The following COL27A1 variants were observed in gnomAD, a reference collection of about 807,000 sequenced individuals.
COL27A1 encodes the protein collagen alpha-1(XXVII) chain.
COL27A1 carries 106 observed loss-of-function variants against 251.3 expected under a neutral mutation model. That is an observed-to-expected ratio of 0.42 (90% CI 0.36 to 0.50). The LOEUF (loss-of-function observed/expected upper bound fraction) is 0.50, where lower values mean the gene tolerates loss of function less well. Ranked by LOEUF, COL27A1 falls within the 20% of genes least tolerant of loss-of-function variation. The probability of loss-of-function intolerance (pLI) is 0.00; values close to 1 mark genes in which losing one functional copy is unlikely to be tolerated. For synonymous variants in COL27A1, 1,000 were observed against 986.3 expected (o/e 1.01, Z -0.26); for missense variants, 2,325 against 2,522.8 (o/e 0.92, Z 1.68).
chr9:114,295,158 T>C (rs1415796518), intron 49 of COL27A1, among the ~76,000 whole-genome samples: 1 of 152,100 alleles, frequency 6.6e-6, no homozygotes, highest in Non-Finnish European at 1.5e-5. Context: ...AACAAACAAT[T>C]AGAAATGGAA....
At chr9:114,157,664 A>G (rs1848211326) in intron 1 of COL27A1, among the ~76,000 whole-genome samples, 1 of 152,224 alleles carries the variant, frequency 6.6e-6, no homozygotes, top group Non-Finnish European at 1.5e-5. Flanking sequence ...AGAGTAACAT[A>G]TCCACTGGTG....
rs775130773 is a variant in COL27A1 at position 114,210,994 on chromosome 9, G to A, written c.2335G>A (p.Val779Ile). Residue 779 changes from valine (V) to isoleucine (I), a missense_variant, in exon 12 of 61, where the codon GTT (valine) becomes ATT (isoleucine). Val to Ile is a conservative substitution (Grantham distance 29). Around this residue, in one of 4 missense-constraint regions of COL27A1, gnomAD observed 1,183 missense variants for 1,144.1 expected, o/e 1.03. Transcript: ENST00000356083. ...CTCTCCCCTGCAGGGCCTGCCTGGCGTTCCTGGCAAGAGGGGCAAGATGGG... is the reference window on the plus strand; with the variant it reads ...CTCTCCCCTGCAGGGCCTGCCTGGCATTCCTGGCAAGAGGGGCAAGATGGG... ...GSDGERGLPGVPGKRGKMGMP... is the reference protein window; with the variant it reads ...GSDGERGLPGIPGKRGKMGMP... 9.3e-6 allele frequency: 15 copies of A among 1,614,068 alleles called. No individual in the cohort carries two copies. Among genetic ancestry groups the A allele is most frequent in the East Asian group, 4.5e-5 (2 of 44,890 alleles).
chr9:114,269,151 C>T, intron 34 of COL27A1, 90 bp from the exon 35 acceptor site: 1 of 854,560 alleles, frequency 1.2e-6, no homozygotes, highest in Non-Finnish European at 1.8e-6. Context: ...TCCCACACCC[C>T]AAAGTCAGAG....
chr9:114,260,041 G>C (rs1834208812), intron 28 of COL27A1, among the ~76,000 whole-genome samples: 1 of 152,034 alleles, frequency 6.6e-6, no homozygotes, highest in African/African-American at 2.4e-5. Flanking sequence ...GGGCAGCCAG[G>C]CTCCATCCGG....
At chr9:114,243,954 T>G (rs1588748856) in intron 23 of COL27A1, among the ~76,000 whole-genome samples, 1 of 139,582 alleles carries the variant, frequency 7.2e-6, no homozygotes. Flanking sequence ...TGAGATGGAG[T>G]CTCCCTCTGT....
At chr9:114,189,327 C>T (rs1332643506) in intron 5 of COL27A1, among the ~76,000 whole-genome samples, 3 of 152,170 alleles carry the variant, frequency 2.0e-5, no homozygotes, top group African/African-American at 7.2e-5. Context: ...ACTGTTTACT[C>T]TATGATAGAC....
At chr9:114,292,281 A>G in intron 49 of COL27A1, 71 bp downstream of exon 49, 1 of 1,169,922 alleles carries the variant, frequency 8.5e-7, no homozygotes, top group East Asian at 2.5e-5. Flanking sequence ...ACCTACATGT[A>G]CAAACACATG....
Position 114,312,010 on chromosome 9 carries a change from G to C in COL27A1, c.*1315G>C, listed in dbSNP as rs1288692901. The C allele has an allele frequency of 6.6e-6, 1 of 152,190 alleles. No homozygotes were observed. The allele number at this position is 152,190 out of a possible 1,614,324, so 9.4% of individuals were successfully genotyped here. ...TGGGTCAAGGAGACAGAATAATAAT[G>C]GGAATCTCGGAGTTCGACACCATAG... On this transcript the variant is annotated 3_prime_UTR_variant, in exon 61 of 61. Coordinates refer to ENST00000356083, the MANE Select transcript of COL27A1 (RefSeq NM_032888.4).
intron 49 of COL27A1, among the ~76,000 whole-genome samples, chr9:114,295,979 C>T (rs114444382): frequency 0.011 from 1,621 of 152,244 alleles, 32 homozygotes; most frequent in African/African-American, 0.037. Flanking sequence ...AGTGCAAAGA[C>T]GATTCAGCAA....
intron 50 of COL27A1, chr9:114,300,394 G>A (rs894329619): frequency 2.4e-5 from 14 of 586,230 alleles, no homozygotes; most frequent in Non-Finnish European, 3.6e-5. Flanking sequence ...GACAGTAGAA[G>A]ACTGTTGCAA....
chr9:114,308,683 G>C (rs1829235500), intron 59 of COL27A1, among the ~76,000 whole-genome samples: 2 of 152,322 alleles, frequency 1.3e-5, no homozygotes, highest in Middle Eastern at 6.8e-3. Context: ...GGCTGGAGTT[G>C]GCGCCTGGGT....
Position 114,264,373 on chromosome 9 carries a change from G to A in COL27A1, c.3214G>A (p.Gly1072Arg), listed in dbSNP as rs1435479663. The change falls in exon 29 of 61, where the codon GGA (glycine) becomes AGA (arginine). Residue 1072 changes from glycine to arginine, a missense_variant. Around this residue, in one of 4 missense-constraint regions of COL27A1, gnomAD observed 662 missense variants for 795.3 expected, o/e 0.83. Coordinates refer to ENST00000356083, the MANE Select transcript of COL27A1 (RefSeq NM_032888.4). ...ATTCCAGGGCCCCCGAGGACCGGAC[G>A]GACCAGCTGGGGAGCAAGGGTCCAG... is the stretch of plus-strand genomic sequence containing the variant. ...KGRRGPRGPD[G>R]PAGEQGSRGL... 6.9e-6 allele frequency: 11 copies of A among 1,597,244 alleles called. No individual in the cohort carries two copies. Among genetic ancestry groups the A allele is most frequent in the African/African-American group, 5.4e-5 (4 of 74,654 alleles).
intron 19 of COL27A1, among the ~76,000 whole-genome samples, chr9:114,239,437 G>T (rs1359225840): frequency 6.6e-6 from 1 of 152,202 alleles, no homozygotes; most frequent in Non-Finnish European, 1.5e-5. Context: ...GGAAGCTGAG[G>T]CCCAGAGAGG....
At chr9:114,268,303 T>C (rs1258128199) in intron 34 of COL27A1, among the ~76,000 whole-genome samples, 2 of 150,706 alleles carry the variant, frequency 1.3e-5, no homozygotes, top group African/African-American at 4.9e-5. Context: ...CCACCCCACG[T>C]AGAAAACTGA....
chr9:114,284,908 AG>A, intron 41 of COL27A1, 131 bp downstream of exon 41: 1 of 953,062 alleles, frequency 1.0e-6, no homozygotes, highest in Non-Finnish European at 1.7e-6. Context: ...CCCCTGCAGC[AG>A]CCGAGGCTGG....
intron 7 of COL27A1, among the ~76,000 whole-genome samples, chr9:114,204,819 G>A (rs866292299): frequency 6.6e-6 from 1 of 152,164 alleles, no homozygotes; most frequent in African/African-American, 2.4e-5. Flanking sequence ...CTTGGTCACA[G>A]TTGCTCTGTC....
intron 49 of COL27A1, among the ~76,000 whole-genome samples, chr9:114,293,453 C>T (rs1037202898): frequency 2.7e-5 from 4 of 150,608 alleles, no homozygotes; most frequent in Admixed American, 6.6e-5. Flanking sequence ...TAAATGGTCT[C>T]GGATTCCGTC....
At chr9:114,282,132 A>G in intron 37 of COL27A1, 145 bp from the exon 38 acceptor site, 1 of 683,302 alleles carries the variant, frequency 1.5e-6, no homozygotes, top group Admixed American at 2.4e-5. Flanking sequence ...GGTCAGGCTC[A>G]AGGTCATGTG....
chr9:114,292,536 C>T (rs957134865), intron 49 of COL27A1, among the ~76,000 whole-genome samples: 21 of 152,146 alleles, frequency 1.4e-4, no homozygotes, highest in Admixed American at 1.2e-3. Flanking sequence ...CCCCCTGTCC[C>T]AGAGGCTGCA....
Sources: allele counts gnomAD v4.1 joint callset (sites outside exome capture counted in the v4.1 genomes callset), GRCh38; gene constraint gnomAD v4.1.1; regional missense constraint gnomAD v4.1.1; transcripts MANE v1.5; gene names NCBI Gene and HGNC (gene_info 2026-07-23, HGNC 2026-07-21).